The following LARP4B variants were observed in gnomAD, a reference collection of about 807,000 sequenced individuals.
The protein encoded by LARP4B is La ribonucleoprotein 4B, also known as la-related protein 4B.
LARP4B carries 12 observed loss-of-function variants against 89.8 expected under a neutral mutation model. That is an observed-to-expected ratio of 0.13 (90% CI 0.09 to 0.22). The LOEUF is 0.22. LARP4B is among the 10% of genes least tolerant of loss of function. The pLI, the probability that LARP4B is intolerant of heterozygous loss-of-function variation, is 1.00. For missense variants in LARP4B, 757 were observed against 947.7 expected, an observed-to-expected ratio of 0.80 and a Z score of 2.64; for synonymous variants, 367 against 363.3, an observed-to-expected ratio of 1.01 and a Z score of -0.12.
the LARP4B span, among the ~76,000 whole-genome samples, chr10:939,660 G>A: frequency 6.6e-6 from 1 of 152,210 alleles, no homozygotes; most frequent in Non-Finnish European, 1.5e-5. Context: ...GCACCTTGAT[G>A]ACTTGCCTGG....
chr10:956,654 T>C, the LARP4B span, among the ~76,000 whole-genome samples: 2 of 152,064 alleles, frequency 1.3e-5, no homozygotes, highest in African/African-American at 4.8e-5. This position sits in a 1 kb window ranked among gnomAD's most constrained non-coding sequence, Gnocchi z 4.3. Context: ...GCCCAAAAAT[T>C]CTTTAATTTA....
At chr10:915,285 A>G (rs998702754) in intron 1 of LARP4B, among the ~76,000 whole-genome samples, 4 of 152,092 alleles carry the variant, frequency 2.6e-5, no homozygotes, top group Admixed American at 2.0e-4. Flanking sequence ...CCCTGTCTCC[A>G]GGGGAAAAAA....
At chr10:876,542 G>C (rs11253488) in intron 3 of LARP4B, among the ~76,000 whole-genome samples, 25,597 of 152,090 alleles carry the variant, frequency 0.17, 2,283 homozygotes, top group Non-Finnish European at 0.19. Flanking sequence ...CAACCCTCTG[G>C]GCACAGTGGA....
the LARP4B span, among the ~76,000 whole-genome samples, chr10:965,667 G>A: frequency 2.6e-5 from 4 of 151,546 alleles, no homozygotes; most frequent in Admixed American, 6.6e-5. Flanking sequence ...TTGTTTATGC[G>A]CCAAGTCGTT....
chr10:907,508 G>A (rs548023736), intron 1 of LARP4B, among the ~76,000 whole-genome samples: 1 of 152,232 alleles, frequency 6.6e-6, no homozygotes, highest in African/African-American at 2.4e-5. Flanking sequence ...AACATACAAA[G>A]GAGTTAAATA....
chr10:824,131 G>A (rs1832495448), intron 13 of LARP4B, among the ~76,000 whole-genome samples: 1 of 152,172 alleles, frequency 6.6e-6, no homozygotes, highest in Non-Finnish European at 1.5e-5. Context: ...TGAGTCACTT[G>A]TTTGTCACTT....
chr10:931,934 C>T (rs1830635172), upstream of LARP4B, among the ~76,000 whole-genome samples: 1 of 149,510 alleles, frequency 6.7e-6, no homozygotes, highest in African/African-American at 2.4e-5. Flanking sequence ...TTGGCGCGTG[C>T]GCGCACATCG....
chr10:902,398 C>T (rs889290924), intron 1 of LARP4B, among the ~76,000 whole-genome samples: 1 of 152,194 alleles, frequency 6.6e-6, no homozygotes, highest in African/African-American at 2.4e-5. Flanking sequence ...CAGTAAAGAG[C>T]TTCTTAGGAA....
chr10:954,421 G>A, the LARP4B span, among the ~76,000 whole-genome samples: 7 of 152,322 alleles, frequency 4.6e-5, no homozygotes, highest in East Asian at 1.4e-3. This position sits in a 1 kb window ranked among gnomAD's most constrained non-coding sequence, Gnocchi z 5.0. Flanking sequence ...GACATCTGCG[G>A]CAGTGGTGAA....
At chr10:976,360 T>C in the LARP4B span, among the ~76,000 whole-genome samples, 4 of 147,418 alleles carry the variant, frequency 2.7e-5, no homozygotes, top group South Asian at 2.3e-4. Flanking sequence ...TGCCGCGTAA[T>C]GTGTGGCCCG....
chr10:904,852 T>C (rs1836446382), intron 1 of LARP4B, among the ~76,000 whole-genome samples: 1 of 152,210 alleles, frequency 6.6e-6, no homozygotes, highest in South Asian at 2.1e-4. Context: ...TGCCACTTGG[T>C]AGCATATAAA....
chr10:833,249 TAAAAAAAAAAAAAAAAAAAAA>T (rs56788542), intron 8 of LARP4B, among the ~76,000 whole-genome samples: 22 of 52,042 alleles, frequency 4.2e-4, no homozygotes, highest in East Asian at 2.5e-3. Context: ...TGATGAGCTT[TAAAAAAAAAAAAAAAAAAAAA>T]AAAAAAAAAA....
At chr10:924,222 C>G (rs143457319) in intron 1 of LARP4B, among the ~76,000 whole-genome samples, 1 of 152,226 alleles carries the variant, frequency 6.6e-6, no homozygotes, top group African/African-American at 2.4e-5. Context: ...GCCTGGGTGA[C>G]ACAAACTGTC....
chr10:876,222 C>T (rs1835445351), intron 3 of LARP4B, among the ~76,000 whole-genome samples: 2 of 152,034 alleles, frequency 1.3e-5, no homozygotes. Context: ...CCCGTCTCTA[C>T]TAATACAAAA....
At chr10:836,973 T>C (rs1419832921) in intron 7 of LARP4B, among the ~76,000 whole-genome samples, 1 of 152,206 alleles carries the variant, frequency 6.6e-6, no homozygotes, top group East Asian at 1.9e-4. Flanking sequence ...GCATCACATC[T>C]AAGAAATTAC....
Position 815,033 on chromosome 10 carries a change from A to G in LARP4B, c.1733T>C (p.Val578Ala). 1 of 1,605,084 alleles carries G rather than the reference A, an allele frequency of 6.2e-7. No individual in the cohort carries two copies. Among genetic ancestry groups the G allele is most frequent in the Non-Finnish European group, 8.5e-7 (1 of 1,174,428 alleles). The change falls in exon 16 of 18, where the codon GTA (valine) becomes GCA (alanine). Residue 578 changes from valine (V) to alanine (A), a missense_variant. Val to Ala is a moderately conservative substitution (Grantham distance 64). This residue lies in a region of LARP4B where 387 missense variants were observed against 423.6 expected (regional missense o/e 0.91). Coordinates refer to ENST00000316157, the MANE Select transcript of LARP4B (RefSeq NM_015155.3). Reference protein sequence around the residue: ...SADASVNTLPVVVSREPSVPA... With the variant: ...SADASVNTLPAVVSREPSVPA... Reference sequence around the variant, plus strand: ...CACCGAGGGCTCTCTGGAGACCACTACAGGAAGGGTGTTCACGCTTGCGTC... The same window carrying G: ...CACCGAGGGCTCTCTGGAGACCACTGCAGGAAGGGTGTTCACGCTTGCGTC...
chr10:931,076 C>A (rs565808559), intron 1 of LARP4B, among the ~76,000 whole-genome samples: 1 of 151,358 alleles, frequency 6.6e-6, no homozygotes, highest in South Asian at 2.1e-4. Flanking sequence ...CCGTCGACTC[C>A]CGCCTCGCCT....
intron 1 of LARP4B, among the ~76,000 whole-genome samples, chr10:900,617 C>CTTTTT (rs1247818166): frequency 2.5e-5 from 3 of 122,310 alleles, no homozygotes; most frequent in Non-Finnish European, 3.6e-5. Flanking sequence ...GGATATATTT[C>CTTTTT]CTTTTTTTTT....
Position 814,873 on chromosome 10 carries a change from T to C in LARP4B, c.1821-23A>G. 6.3e-7 allele frequency: 1 copy of C among 1,582,082 alleles called. No homozygotes were observed. The highest frequency in any genetic ancestry group is 1.1e-5 in the South Asian group (1 of 87,680). On this transcript the variant is annotated intron_variant, in intron 16 of 17. Coordinates refer to ENST00000316157, the MANE Select transcript of LARP4B (RefSeq NM_015155.3). The surrounding 1 kb of genome is among the most constrained non-coding windows in gnomAD (Gnocchi z 4.4). ...TCACTGTAAAAATGCCACCCGATAT[T>C]TGAATCTCATGCAACATCACAGGCC...
Sources: gnomAD v4.1 joint callset for allele counts (sites outside exome capture counted in the v4.1 genomes callset) on GRCh38, gnomAD v4.1.1 for gene constraint, gnomAD v4.1.1 regional missense constraint, Gnocchi (gnomAD v3.1) non-coding constraint, MANE v1.5 for transcripts, NCBI Gene and HGNC (gene_info 2026-07-23, HGNC 2026-07-21) for gene names.